Variants in PBRM1 observed in about 807,000 individuals in gnomAD.
The protein encoded by PBRM1 is protein polybromo-1.
Under a neutral mutation model 194.5 loss-of-function variants are expected in PBRM1, and 27 were observed. That is an observed-to-expected ratio of 0.14 (90% CI 0.10 to 0.19). The LOEUF is 0.19. Among genes scored for constraint, PBRM1 ranks in the 10% least tolerant of loss-of-function variants. The probability of loss-of-function intolerance (pLI) is 1.00; values close to 1 mark genes in which losing one functional copy is unlikely to be tolerated. For synonymous variants in PBRM1, 655 were observed against 693.2 expected, an observed-to-expected ratio of 0.94 and a Z score of 0.87; for missense variants, 1,466 against 2,077.2, an observed-to-expected ratio of 0.71 and a Z score of 5.72.
At chr3:52,582,012 G>A (rs1489293485) in intron 20 of PBRM1, among the ~76,000 whole-genome samples, 6 of 152,094 alleles carry the variant, frequency 3.9e-5, no homozygotes, top group African/African-American at 1.4e-4. Context: ...GGAAGGTGAG[G>A]TGGGTGGGTC....
intron 10 of PBRM1, among the ~76,000 whole-genome samples, chr3:52,638,757 G>A (rs374510291): frequency 1.3e-4 from 20 of 151,348 alleles, no homozygotes; most frequent in African/African-American, 4.1e-4. Flanking sequence ...CACCACGCCC[G>A]GCTAATTTTT....
intron 19 of PBRM1, 59 bp from the exon 22 acceptor site, chr3:52,586,747 TCAA>T: frequency 8.3e-5 from 12 of 145,050 alleles, no homozygotes; most frequent in South Asian, 6.1e-4. Context: ...TGAAAATCAA[TCAA>T]AAAAAAAAAA....
At chr3:52,562,729 T>A (rs778375772) in intron 24 of PBRM1, among the ~76,000 whole-genome samples, 42 of 151,980 alleles carry the variant, frequency 2.8e-4, no homozygotes, top group Non-Finnish European at 5.7e-4. Context: ...TTAGTAGAGA[T>A]GAGATCTCAC....
At chr3:52,552,462 A>G (rs2081209881) in intron 27 of PBRM1, among the ~76,000 whole-genome samples, 1 of 152,172 alleles carries the variant, frequency 6.6e-6, no homozygotes. Context: ...ATTAAATAAA[A>G]TAGATATGGG....
chr3:52,572,631 C>T (rs1163628300), intron 22 of PBRM1, among the ~76,000 whole-genome samples: 3 of 152,220 alleles, frequency 2.0e-5, no homozygotes, highest in Non-Finnish European at 4.4e-5. Flanking sequence ...CTGCCTCAGC[C>T]TCCCAAAGTG....
intron 3 of PBRM1, among the ~76,000 whole-genome samples, chr3:52,662,684 G>A (rs1360549725): frequency 2.0e-5 from 3 of 151,960 alleles, no homozygotes; most frequent in Non-Finnish European, 4.4e-5. Context: ...AAATTAGCTG[G>A]GCGTGGTGGT....
chr3:52,679,763 T>C (rs1208802237), upstream of PBRM1: 22 of 1,562,042 alleles, frequency 1.4e-5, no homozygotes, highest in Non-Finnish European at 1.8e-5. Flanking sequence ...TACATTTAAA[T>C]AGACTCTGTC....
chr3:52,663,820 G>A (rs1349550237), intron 3 of PBRM1, among the ~76,000 whole-genome samples: 1 of 152,180 alleles, frequency 6.6e-6, no homozygotes, highest in African/African-American at 2.4e-5. Context: ...ACCACTTTGG[G>A]AGGCTGAAGC....
At chr3:52,640,883 C>T (rs2096054439) in intron 10 of PBRM1, among the ~76,000 whole-genome samples, 1 of 151,948 alleles carries the variant, frequency 6.6e-6, no homozygotes, top group South Asian at 2.1e-4. Context: ...AAGTGATCCA[C>T]CCCCCTCAGC....
At chr3:52,658,280 C>A in exon 5 of PBRM1, 1 of 1,612,520 alleles carries the variant, frequency 6.2e-7, no homozygotes, top group Non-Finnish European at 8.5e-7. Context: ...CTTCAAGAAG[C>A]TGCTCCAGGA....
At chr3:52,547,991 C>A in exon 30 of PBRM1, 1 of 1,309,486 alleles carries the variant, frequency 7.6e-7, no homozygotes, top group Non-Finnish European at 1.1e-6. Flanking sequence ...CTTCCCCCCA[C>A]CCCCAGTAAC....
At chr3:52,572,941 G>A (rs2087931443) in intron 22 of PBRM1, among the ~76,000 whole-genome samples, 1 of 152,178 alleles carries the variant, frequency 6.6e-6, no homozygotes, top group Admixed American at 6.5e-5. Flanking sequence ...GGAGGCTGGG[G>A]ACAGTGAATT....
chr3:52,660,104 T>C (rs955018942), intron 4 of PBRM1, among the ~76,000 whole-genome samples: 1 of 152,032 alleles, frequency 6.6e-6, no homozygotes, highest in African/African-American at 2.4e-5. Context: ...AAAACAAAAT[T>C]TGAAAGAGGC....
intron 14 of PBRM1, among the ~76,000 whole-genome samples, chr3:52,616,482 A>G (rs929722326): frequency 6.6e-6 from 1 of 152,186 alleles, no homozygotes; most frequent in Non-Finnish European, 1.5e-5. Context: ...TCACGACGTC[A>G]GGAGATCAAG....
intron 26 of PBRM1, among the ~76,000 whole-genome samples, chr3:52,556,977 A>C (rs1395188908): frequency 4.0e-5 from 6 of 149,504 alleles, no homozygotes; most frequent in African/African-American, 1.5e-4. Context: ...TCATTTTGTT[A>C]ATGTGCCCCT....
intron 10 of PBRM1, 136 bp downstream of exon 11, chr3:52,641,818 G>C (rs1365222485): frequency 8.1e-6 from 6 of 740,238 alleles, no homozygotes; most frequent in Non-Finnish European, 1.5e-5. Context: ...CTGACTACCA[G>C]AGTACAATCA....
chr3:52,561,685 C>T, intron 25 of PBRM1, 82 bp downstream of exon 27: 1 of 1,213,854 alleles, frequency 8.2e-7, no homozygotes, highest in Non-Finnish European at 1.2e-6. Flanking sequence ...GTGGTAAGAA[C>T]AAGAGTAAAA....
chr3:52,637,773 C>CAAAAAAAAA (rs755241328), intron 10 of PBRM1, among the ~76,000 whole-genome samples: 734 of 40,906 alleles, frequency 0.018, 31 homozygotes, highest in African/African-American at 0.034. Flanking sequence ...ACTAAAAATA[C>CAAAAAAAAA]AAAAAAAAAA....
At chr3:52,576,223 CTA>C (rs1022353843) in intron 22 of PBRM1, among the ~76,000 whole-genome samples, 3 of 152,068 alleles carry the variant, frequency 2.0e-5, no homozygotes, top group Non-Finnish European at 4.4e-5. Context: ...ACAAAAAAAA[CTA>C]TCAATGGAGA....
Sources: allele counts gnomAD v4.1 joint callset (sites outside exome capture counted in the v4.1 genomes callset), GRCh38; gene constraint gnomAD v4.1.1; transcripts MANE v1.5; gene names NCBI Gene and HGNC (gene_info 2026-07-23, HGNC 2026-07-21).